Variants in ZNF503 observed in about 807,000 individuals in gnomAD.
ZNF503 encodes the protein NocA-like zinc finger 2.
A neutral mutation model predicts 34.4 loss-of-function variants in ZNF503; 15 were observed. That is an observed-to-expected ratio of 0.44 (90% CI 0.29 to 0.67). ZNF503 has a LOEUF of 0.67. ZNF503 is among the 30% of genes least tolerant of loss of function. The pLI is 0.13. For synonymous variants in ZNF503, 580 were observed against 456.8 expected, an observed-to-expected ratio of 1.27 and a Z score of -3.44; for missense variants, 1,007 against 926.8, an observed-to-expected ratio of 1.09 and a Z score of -1.12.
the ZNF503 span, among the ~76,000 whole-genome samples, chr10:75,307,209 A>C: frequency 6.6e-6 from 1 of 152,254 alleles, no homozygotes; most frequent in Non-Finnish European, 1.5e-5. Flanking sequence ...ACAAAAGAAA[A>C]GTTCCTGAAG....
the ZNF503 span, among the ~76,000 whole-genome samples, chr10:75,353,926 T>C: frequency 6.6e-6 from 1 of 152,236 alleles, no homozygotes; most frequent in Non-Finnish European, 1.5e-5. Flanking sequence ...AGCTCAGCGT[T>C]GGCTCAGCTT....
At chr10:75,291,365 A>C in the ZNF503 span, among the ~76,000 whole-genome samples, 1 of 152,214 alleles carries the variant, frequency 6.6e-6, no homozygotes, top group South Asian at 2.1e-4. Flanking sequence ...TAATTCCAGC[A>C]GTTTGGGAGG....
chr10:75,349,386 T>G, the ZNF503 span, among the ~76,000 whole-genome samples: 1 of 152,234 alleles, frequency 6.6e-6, no homozygotes, highest in Non-Finnish European at 1.5e-5. Flanking sequence ...GTCTGTTTCT[T>G]CATGATTGAA....
the ZNF503 span, among the ~76,000 whole-genome samples, chr10:75,348,174 T>C: frequency 1.3e-5 from 2 of 151,890 alleles, no homozygotes; most frequent in African/African-American, 2.4e-5. Context: ...GTGATTCTCC[T>C]GCTTCAGCCT....
At chr10:75,362,730 C>T in the ZNF503 span, among the ~76,000 whole-genome samples, 1 of 152,074 alleles carries the variant, frequency 6.6e-6, no homozygotes, top group Non-Finnish European at 1.5e-5. Context: ...GAGATTAATG[C>T]CTTTTGATGT....
chr10:75,386,174 G>A, the ZNF503 span, among the ~76,000 whole-genome samples: 4 of 152,188 alleles, frequency 2.6e-5, no homozygotes, highest in African/African-American at 9.7e-5. Context: ...ACGTGACTAT[G>A]AGCAACTTCT....
chr10:75,372,425 C>T, the ZNF503 span, among the ~76,000 whole-genome samples: 10 of 152,290 alleles, frequency 6.6e-5, no homozygotes, highest in South Asian at 2.1e-3. Context: ...TCGTCTACTC[C>T]ACTAAAGGGC....
the ZNF503 span, among the ~76,000 whole-genome samples, chr10:75,295,910 A>T: frequency 3.5e-4 from 54 of 152,330 alleles, no homozygotes; most frequent in Non-Finnish European, 5.7e-4. This position sits in a 1 kb window ranked among gnomAD's most constrained non-coding sequence, Gnocchi z 4.0. Flanking sequence ...TCAGGAGGAA[A>T]AAGAACCCCC....
At chr10:75,382,277 A>G in the ZNF503 span, 1 of 239,590 alleles carries the variant, frequency 4.2e-6, no homozygotes, top group Admixed American at 4.7e-5. Context: ...CAACAGCAAC[A>G]AATGTTATTT....
chr10:75,335,882 G>GTTC, the ZNF503 span, among the ~76,000 whole-genome samples: 878 of 152,108 alleles, frequency 5.8e-3, 7 homozygotes, highest in African/African-American at 0.02. Context: ...TTTGTTTTCT[G>GTTC]TTCTTCTACT....
chr10:75,328,120 T>C, the ZNF503 span, among the ~76,000 whole-genome samples: 209 of 152,290 alleles, frequency 1.4e-3, no homozygotes, highest in African/African-American at 4.9e-3. Flanking sequence ...ATCATTTGTC[T>C]ATTTTTGCGT....
the ZNF503 span, among the ~76,000 whole-genome samples, chr10:75,373,678 G>A: frequency 2.0e-5 from 3 of 152,190 alleles, no homozygotes; most frequent in Non-Finnish European, 4.4e-5. Flanking sequence ...GGTGACTTAC[G>A]CAAGTCCATT....
Position 75,399,341 on chromosome 10 carries a change from G to C in ZNF503, c.1349C>G (p.Ser450Cys). 1 of 1,605,336 alleles carries C rather than the reference G, an allele frequency of 6.2e-7. No homozygotes were observed. Among genetic ancestry groups the C allele is most frequent in the East Asian group, 2.2e-5 (1 of 44,654 alleles). ...HLAGAAAASA[S>C]CAHDPAAAAA... is the part of the protein sequence containing the mutation. The stretch of plus-strand genomic sequence containing the variant: ...CGCAGCAGCCGGATCATGTGCGCAA[G>C]AAGCGCTGGCGGCCGCCGCCCCTGC... Residue 450 changes from serine (S) to cysteine (C), a missense_variant, in exon 2 of 2, where the codon TCT becomes TGT. Coordinates refer to ENST00000372524, the MANE Select transcript of ZNF503 (RefSeq NM_032772.6).
At chr10:75,377,005 A>T in the ZNF503 span, among the ~76,000 whole-genome samples, 130 of 152,330 alleles carry the variant, frequency 8.5e-4, 1 homozygote, top group African/African-American at 3.0e-3. Flanking sequence ...AGGTGTTCTC[A>T]AAGTGTGGTT....
the ZNF503 span, among the ~76,000 whole-genome samples, chr10:75,299,420 A>G: frequency 6.6e-6 from 1 of 152,084 alleles, no homozygotes; most frequent in Non-Finnish European, 1.5e-5. Context: ...GAACTTTCTG[A>G]GTATTACTGT....
At chr10:75,308,295 T>G in the ZNF503 span, among the ~76,000 whole-genome samples, 1 of 151,462 alleles carries the variant, frequency 6.6e-6, no homozygotes, top group Non-Finnish European at 1.5e-5. Context: ...AGCCCACTAT[T>G]GAGACCTACT....
the ZNF503 span, among the ~76,000 whole-genome samples, chr10:75,309,916 T>C: frequency 1.2e-4 from 19 of 152,222 alleles, no homozygotes; most frequent in African/African-American, 4.6e-4. Flanking sequence ...CTTTTGTATA[T>C]AGTGTTAGGT....
the ZNF503 span, among the ~76,000 whole-genome samples, chr10:75,353,899 C>T: frequency 1.3e-5 from 2 of 152,204 alleles, no homozygotes; most frequent in Admixed American, 1.3e-4. Context: ...ACACGCATGA[C>T]CACTGCTGCC....
Position 75,401,339 on chromosome 10 carries a change from ACCGCCGCCTCCGCCTCCG to A in ZNF503, c.63_80del (p.Gly22_Gly27del), listed in dbSNP as rs1470693263. The A allele has an allele frequency of 1.0e-5, 15 of 1,431,312 alleles. No individual in the cohort carries two copies. Among genetic ancestry groups the A allele is most frequent in the African/African-American group, 1.4e-5 (1 of 69,150 alleles). The allele number at this position is 1,431,312 out of a possible 1,614,324, so 88.7% of individuals were successfully genotyped here. ...GCGCGCTGGTCCAGGCAGGGTCTGC[ACCGCCGCCTCCGCCTCCG>A]CCGCCGCCGCCGCCGCTGTGCTTAC... On this transcript the variant is annotated inframe_deletion, in exon 1 of 2. Coordinates refer to ENST00000372524, the MANE Select transcript of ZNF503 (RefSeq NM_032772.6).
Sources: allele counts gnomAD v4.1 joint callset (sites outside exome capture counted in the v4.1 genomes callset), GRCh38; gene constraint gnomAD v4.1.1; non-coding constraint Gnocchi (gnomAD v3.1); transcripts MANE v1.5; gene names NCBI Gene and HGNC (gene_info 2026-07-23, HGNC 2026-07-21).